Variants in SUGCT observed in about 807,000 individuals in gnomAD.
The protein encoded by SUGCT is succinyl-CoA:glutarate-CoA transferase, also known as succinyl-CoA:glutarate CoA-transferase.
In SUGCT, 41 loss-of-function variants were observed where a neutral mutation model predicts 55.0. That is an observed-to-expected ratio of 0.74 (90% CI 0.58 to 0.97). The LOEUF is 0.97. SUGCT is among the 50% of genes least tolerant of loss of function. The pLI, the probability that SUGCT is intolerant of heterozygous loss-of-function variation, is 0.00. For missense variants in SUGCT, 568 were observed against 547.8 expected (o/e 1.04, Z -0.37); for synonymous variants, 187 against 200.4 (o/e 0.93, Z 0.56).
intron 12 of SUGCT, among the ~76,000 whole-genome samples, chr7:40,648,898 T>C (rs1320302590): frequency 6.6e-6 from 1 of 152,212 alleles, no homozygotes; most frequent in Non-Finnish European, 1.5e-5. Context: ...GGATACATTT[T>C]TGTGTTTTAA....
chr7:40,556,273 A>G (rs1280520370), intron 12 of SUGCT, among the ~76,000 whole-genome samples: 1 of 152,116 alleles, frequency 6.6e-6, no homozygotes, highest in Non-Finnish European at 1.5e-5. Context: ...GAAAGCTGGG[A>G]TTGTCTAGAA....
At chr7:40,786,524 T>C (rs1237878173) in intron 13 of SUGCT, among the ~76,000 whole-genome samples, 1 of 152,216 alleles carries the variant, frequency 6.6e-6, no homozygotes, top group Non-Finnish European at 1.5e-5. Flanking sequence ...ATTAAGAGTA[T>C]ACTAGCAGAA....
chr7:40,836,891 A>G (rs1045651134), intron 13 of SUGCT, among the ~76,000 whole-genome samples: 7 of 152,150 alleles, frequency 4.6e-5, no homozygotes, highest in Admixed American at 1.3e-4. Context: ...TGCATTACAT[A>G]TGAACATTCA....
intron 9 of SUGCT, among the ~76,000 whole-genome samples, chr7:40,404,853 GATTCC>G (rs1003984705): frequency 3.9e-5 from 6 of 152,164 alleles, no homozygotes; most frequent in African/African-American, 1.4e-4. Flanking sequence ...TGTTCAGTAT[GATTCC>G]ATTCTCTGAC....
At chr7:41,032,891 G>C in the SUGCT span, among the ~76,000 whole-genome samples, 2 of 152,214 alleles carry the variant, frequency 1.3e-5, no homozygotes, top group Non-Finnish European at 2.9e-5. Context: ...AGCCTCCTGA[G>C]TAGCTGGGAC....
At chr7:40,199,325 G>T (rs904231632) in intron 6 of SUGCT, among the ~76,000 whole-genome samples, 1 of 152,166 alleles carries the variant, frequency 6.6e-6, no homozygotes, top group African/African-American at 2.4e-5. Context: ...TGATCACAAG[G>T]GAGGAAGGAC....
intron 13 of SUGCT, among the ~76,000 whole-genome samples, chr7:40,807,483 A>G (rs1256386955): frequency 2.0e-5 from 3 of 152,182 alleles, no homozygotes; most frequent in Non-Finnish European, 4.4e-5. Flanking sequence ...AACAGGTGAA[A>G]GTGTCCAAGG....
intron 12 of SUGCT, among the ~76,000 whole-genome samples, chr7:40,528,598 T>G (rs1275933757): frequency 2.0e-5 from 3 of 152,228 alleles, no homozygotes; most frequent in African/African-American, 7.2e-5. Context: ...AAGGATAATT[T>G]GTTAATGATA....
At chr7:40,693,686 T>A (rs1202961611) in intron 12 of SUGCT, among the ~76,000 whole-genome samples, 1 of 152,190 alleles carries the variant, frequency 6.6e-6, no homozygotes, top group Non-Finnish European at 1.5e-5. Context: ...CAAGAAAGCC[T>A]GACTTTTTAT....
chr7:40,200,924 A>C (rs1000068873), intron 6 of SUGCT, among the ~76,000 whole-genome samples: 2 of 152,196 alleles, frequency 1.3e-5, no homozygotes, highest in African/African-American at 4.8e-5. Context: ...GATGAGGCAA[A>C]TTATTTAGCA....
At chr7:40,834,583 T>G (rs1792864338) in intron 13 of SUGCT, among the ~76,000 whole-genome samples, 2 of 152,134 alleles carry the variant, frequency 1.3e-5, no homozygotes, top group Admixed American at 6.5e-5. Context: ...ATGCATAATA[T>G]CTAGACTAAG....
At chr7:40,265,981 A>G (rs575261213) in intron 7 of SUGCT, among the ~76,000 whole-genome samples, 170 of 152,118 alleles carry the variant, frequency 1.1e-3, no homozygotes, top group African/African-American at 3.9e-3. Context: ...ACACACAAAC[A>G]AAAAACAAAA....
At chr7:40,388,715 C>A (rs548470500) in intron 9 of SUGCT, among the ~76,000 whole-genome samples, 1 of 152,116 alleles carries the variant, frequency 6.6e-6, no homozygotes, top group Non-Finnish European at 1.5e-5. Flanking sequence ...TGCGCCCGGG[C>A]AGAACATTTT....
chr7:40,297,425 A>G (rs1794229724), intron 8 of SUGCT, among the ~76,000 whole-genome samples: 4 of 152,144 alleles, frequency 2.6e-5, no homozygotes, highest in Admixed American at 1.3e-4. Flanking sequence ...TATTGTAAAC[A>G]TCCATGTGAA....
At chr7:40,858,508 CAT>C (rs1187067492) in intron 13 of SUGCT, among the ~76,000 whole-genome samples, 3 of 150,876 alleles carry the variant, frequency 2.0e-5, no homozygotes, top group African/African-American at 7.3e-5. Flanking sequence ...AGTAAAGTCA[CAT>C]GACATTGACT....
intron 7 of SUGCT, among the ~76,000 whole-genome samples, chr7:40,253,848 A>C (rs1790614008): frequency 6.6e-6 from 1 of 152,244 alleles, no homozygotes; most frequent in African/African-American, 2.4e-5. Flanking sequence ...CTAGATTCTT[A>C]GTTAGTTCAG....
chr7:40,953,355 C>T, the SUGCT span, among the ~76,000 whole-genome samples: 1 of 152,204 alleles, frequency 6.6e-6, no homozygotes, highest in Non-Finnish European at 1.5e-5. Context: ...CCATTTGTCT[C>T]ATCTTTTTTC....
At chr7:40,393,786 T>A (rs1267965577) in intron 9 of SUGCT, among the ~76,000 whole-genome samples, 1 of 152,168 alleles carries the variant, frequency 6.6e-6, no homozygotes, top group Non-Finnish European at 1.5e-5. Context: ...TTTTAGAGCA[T>A]GTGTGGGTCA....
intron 12 of SUGCT, among the ~76,000 whole-genome samples, chr7:40,675,391 A>G (rs1040385393): frequency 2.0e-5 from 3 of 152,208 alleles, no homozygotes; most frequent in Non-Finnish European, 2.9e-5. Context: ...GTAATCACAT[A>G]TGTATAAAAT....
Sources: allele counts gnomAD v4.1 joint callset (sites outside exome capture counted in the v4.1 genomes callset), GRCh38; gene constraint gnomAD v4.1.1; transcripts MANE v1.5; gene names NCBI Gene and HGNC (gene_info 2026-07-23, HGNC 2026-07-21).